The following GNB4 variants were observed in gnomAD, a reference collection of about 807,000 sequenced individuals.
GNB4 encodes G protein subunit beta 4, also known as guanine nucleotide-binding protein subunit beta-4.
In GNB4, 28 loss-of-function variants were observed where a neutral mutation model predicts 45.2. The observed-to-expected ratio is 0.62, with a 90% CI of 0.46 to 0.85. The LOEUF (loss-of-function observed/expected upper bound fraction) is 0.85. Ranked by LOEUF, GNB4 falls within the 40% of genes least tolerant of loss-of-function variation. The pLI, the probability that GNB4 is intolerant of heterozygous loss-of-function variation, is 0.00. For synonymous variants in GNB4, 132 were observed against 143.7 expected, an observed-to-expected ratio of 0.92 and a Z score of 0.58; for missense variants, 321 against 425.4, an observed-to-expected ratio of 0.75 and a Z score of 2.16.
At chr3:179,432,848 A>G (rs1383701481) in intron 1 of GNB4, among the ~76,000 whole-genome samples, 1 of 152,236 alleles carries the variant, frequency 6.6e-6, no homozygotes, top group Non-Finnish European at 1.5e-5. Flanking sequence ...AATAAGAAAC[A>G]GAAATCAGGG....
chr3:179,453,317 T>C (rs993407670), upstream of GNB4, among the ~76,000 whole-genome samples: 3 of 152,196 alleles, frequency 2.0e-5, no homozygotes, highest in African/African-American at 7.2e-5. Flanking sequence ...ACACGGGGTT[T>C]CACCGTGTTG....
chr3:179,457,392 T>C, the GNB4 span, among the ~76,000 whole-genome samples: 2 of 152,226 alleles, frequency 1.3e-5, no homozygotes, highest in Non-Finnish European at 2.9e-5. Flanking sequence ...TTTGTATAAT[T>C]ATGCTCATTT....
At chr3:179,515,645 C>T in the GNB4 span, among the ~76,000 whole-genome samples, 1 of 152,138 alleles carries the variant, frequency 6.6e-6, no homozygotes, top group African/African-American at 2.4e-5. Context: ...TGTATACATG[C>T]AGGTCACAGG....
chr3:179,396,955 A>G lies in GNB4; in HGVS notation c.*4258T>C, dbSNP rs1275611224. On this transcript the variant is annotated 3_prime_UTR_variant, in exon 10 of 10. Coordinates refer to ENST00000232564, the MANE Select transcript of GNB4 (RefSeq NM_021629.4). ...AAAATATAAATTCATTGTGCAACCC[A>G]TAAGAAAGATGGTCCAACCTGTGGG... 2.6e-5 allele frequency: 4 copies of G among 152,212 alleles called. No individual in the cohort carries two copies. Among genetic ancestry groups the G allele is most frequent in the Non-Finnish European group, 5.9e-5 (4 of 68,034 alleles). 9.4% of individuals were successfully genotyped at this position (152,212 alleles called of 1,614,324 possible).
chr3:179,416,745 A>G (rs572581420), intron 4 of GNB4, among the ~76,000 whole-genome samples, 189 bp from the exon 5 acceptor site: 2 of 152,368 alleles, frequency 1.3e-5, no homozygotes, highest in Admixed American at 1.3e-4. Flanking sequence ...AACATATTTC[A>G]TAAAATAAAA....
the GNB4 span, among the ~76,000 whole-genome samples, chr3:179,512,185 C>T: frequency 1.3e-5 from 2 of 152,172 alleles, no homozygotes; most frequent in African/African-American, 2.4e-5. Context: ...AGGCACCTGA[C>T]ATCAAAGTGA....
chr3:179,513,994 T>G, the GNB4 span, among the ~76,000 whole-genome samples: 1 of 152,192 alleles, frequency 6.6e-6, no homozygotes, highest in Non-Finnish European at 1.5e-5. Context: ...ACACATTTTT[T>G]AAGATTAAAT....
the GNB4 span, among the ~76,000 whole-genome samples, chr3:179,480,861 T>G: frequency 2.0e-5 from 3 of 149,956 alleles, no homozygotes; most frequent in South Asian, 6.4e-4. Context: ...TTTCTTTTTT[T>G]TTTTTTTTGA....
At chr3:179,407,558 AG>A (rs1228811250) in intron 8 of GNB4, among the ~76,000 whole-genome samples, 1 of 152,212 alleles carries the variant, frequency 6.6e-6, no homozygotes, top group Non-Finnish European at 1.5e-5. Flanking sequence ...GTCATGGTGA[AG>A]GGAAGAGAAA....
At chr3:179,487,973 C>G in the GNB4 span, among the ~76,000 whole-genome samples, 1 of 151,860 alleles carries the variant, frequency 6.6e-6, no homozygotes, top group Non-Finnish European at 1.5e-5. Context: ...ATGGCTTGAA[C>G]TCAGGAGGCA....
intron 1 of GNB4, among the ~76,000 whole-genome samples, chr3:179,444,766 CTTAAA>C (rs1276615826): frequency 2.0e-5 from 3 of 152,130 alleles, no homozygotes; most frequent in Non-Finnish European, 4.4e-5. Flanking sequence ...TCTAGAATGT[CTTAAA>C]TTATTTCCTT....
intron 2 of GNB4, among the ~76,000 whole-genome samples, chr3:179,425,700 A>G (rs1577033847): frequency 6.6e-6 from 1 of 152,046 alleles, no homozygotes; most frequent in Admixed American, 6.5e-5. Flanking sequence ...TGAACTCCTG[A>G]CCTCAGGTGA....
chr3:179,456,784 G>A, the GNB4 span, among the ~76,000 whole-genome samples: 1 of 150,936 alleles, frequency 6.6e-6, no homozygotes, highest in Admixed American at 6.6e-5. Context: ...CTAGAGTTCT[G>A]TCTTTTTGAG....
chr3:179,472,330 C>A, the GNB4 span, among the ~76,000 whole-genome samples: 1 of 146,668 alleles, frequency 6.8e-6, no homozygotes, highest in Non-Finnish European at 1.5e-5. Context: ...CATATTTTTT[C>A]TTTTTCTTTT....
intron 8 of GNB4, among the ~76,000 whole-genome samples, chr3:179,409,387 CT>C (rs1560211627): frequency 6.6e-6 from 1 of 151,888 alleles, no homozygotes; most frequent in Admixed American, 6.6e-5. Flanking sequence ...TGGCTCATGC[CT>C]GTAATCCCAG....
upstream of GNB4, among the ~76,000 whole-genome samples, chr3:179,453,283 G>C (rs2108628140): frequency 6.6e-6 from 1 of 152,264 alleles, no homozygotes; most frequent in East Asian, 1.9e-4. Context: ...ACCACGCCCG[G>C]CTGATTTTTT....
the GNB4 span, among the ~76,000 whole-genome samples, chr3:179,470,186 T>C: frequency 5.3e-5 from 8 of 152,226 alleles, no homozygotes; most frequent in African/African-American, 1.9e-4. Context: ...TGCTACACTA[T>C]ACTTTTTATT....
chr3:179,443,146 T>G (rs1274764246), intron 1 of GNB4, among the ~76,000 whole-genome samples: 1 of 152,238 alleles, frequency 6.6e-6, no homozygotes, highest in East Asian at 1.9e-4. Flanking sequence ...CTAGCTTATT[T>G]GCTAACTCCG....
rs1714280843 is a variant in GNB4, at chr3:179,401,032, C to T, written c.*181G>A. 1 of 508,056 alleles carries T rather than the reference C, an allele frequency of 2.0e-6. No homozygotes were observed. The highest frequency in any genetic ancestry group is 3.6e-6 in the Non-Finnish European group (1 of 279,934). The allele number at this position is 508,056 out of a possible 1,614,324, so 31.5% of individuals were successfully genotyped here. A position where few individuals can be genotyped will look rare whatever the true frequency, so the allele number is the denominator to read the frequency against. On this transcript the variant is annotated 3_prime_UTR_variant, in exon 10 of 10. Transcript: ENST00000232564. ...CTGGTCCTTTTGATCTCAGAAGGCG[C>T]CTTTGCCTTTTTTCCTCCACCCCCA...
Sources: gnomAD v4.1 joint callset for allele counts (sites outside exome capture counted in the v4.1 genomes callset) on GRCh38, gnomAD v4.1.1 for gene constraint, MANE v1.5 for transcripts, NCBI Gene and HGNC (gene_info 2026-07-23, HGNC 2026-07-21) for gene names.